NRG1: variants seen among roughly 807,000 people sequenced by gnomAD.
The protein encoded by NRG1 is neuregulin 1, also known as pro-neuregulin-1, membrane-bound isoform.
In NRG1, 18 loss-of-function variants were observed where a neutral mutation model predicts 63.8. The observed-to-expected ratio is 0.28, with a 90% CI of 0.19 to 0.42. The LOEUF (loss-of-function observed/expected upper bound fraction) is 0.42. NRG1 is among the 10% of genes least tolerant of loss of function. NRG1 has a pLI of 1.00. For synonymous variants in NRG1, 302 were observed against 301.3 expected (o/e 1.00, Z -0.02); for missense variants, 762 against 814.7 (o/e 0.94, Z 0.79).
At chr8:32,595,677 A>G in intron 1 of NRG1, 151 bp from the exon 2 acceptor site, 1 of 565,910 alleles carries the variant, frequency 1.8e-6, no homozygotes, top group Non-Finnish European at 2.9e-6. Context: ...GATGAGATCC[A>G]TTTTCGCTCA....
chr8:32,157,419 T>C (rs945329959), intron 1 of NRG1, among the ~76,000 whole-genome samples: 7 of 149,530 alleles, frequency 4.7e-5, no homozygotes, highest in African/African-American at 1.7e-4. Flanking sequence ...CGCAGTATTT[T>C]GGGAGGCCGA....
intron 1 of NRG1, among the ~76,000 whole-genome samples, chr8:32,421,563 T>G (rs1816702480): frequency 6.6e-6 from 1 of 152,196 alleles, no homozygotes; most frequent in Non-Finnish European, 1.5e-5. Flanking sequence ...GACGATTTTA[T>G]ACAAGTGAAG....
chr8:32,585,453 G>A (rs1382571996), intron 1 of NRG1, among the ~76,000 whole-genome samples: 3 of 152,128 alleles, frequency 2.0e-5, no homozygotes, highest in African/African-American at 7.2e-5. Flanking sequence ...TGCTGGCCGC[G>A]GCGCAGTGAT....
intron 1 of NRG1, among the ~76,000 whole-genome samples, chr8:31,700,610 G>A (rs1810533116): frequency 6.6e-6 from 1 of 152,330 alleles, no homozygotes; most frequent in Non-Finnish European, 1.5e-5. Context: ...AGGAGGCCAA[G>A]TGAATTGCAT....
chr8:32,282,343 C>T (rs1232657371), intron 1 of NRG1, among the ~76,000 whole-genome samples: 1 of 152,188 alleles, frequency 6.6e-6, no homozygotes, highest in Non-Finnish European at 1.5e-5. Flanking sequence ...TATCATTTCC[C>T]TCTCAAATCC....
At chr8:31,669,283 G>T (rs946547896) in intron 1 of NRG1, among the ~76,000 whole-genome samples, 1 of 151,594 alleles carries the variant, frequency 6.6e-6, no homozygotes, top group Non-Finnish European at 1.5e-5. Flanking sequence ...TTTTGCCCAG[G>T]CTGGAGCACA....
intron 1 of NRG1, among the ~76,000 whole-genome samples, chr8:32,143,010 G>A (rs1252113748): frequency 6.6e-6 from 1 of 152,166 alleles, no homozygotes; most frequent in East Asian, 1.9e-4. Flanking sequence ...TACTTCTTTT[G>A]TCATATCATT....
At chr8:32,319,900 C>T (rs1006062973) in intron 1 of NRG1, among the ~76,000 whole-genome samples, 1 of 151,972 alleles carries the variant, frequency 6.6e-6, no homozygotes, top group Non-Finnish European at 1.5e-5. Flanking sequence ...AATGCTAATA[C>T]AAAGGAATAC....
chr8:32,595,784 G>C, intron 1 of NRG1, 44 bp from the exon 2 acceptor site: 1 of 1,548,836 alleles, frequency 6.5e-7, no homozygotes, highest in Non-Finnish European at 8.8e-7. Context: ...TTGAAAGATT[G>C]CCTGGTGATC....
chr8:32,244,375 C>T (rs527554304), intron 1 of NRG1, among the ~76,000 whole-genome samples: 1 of 152,038 alleles, frequency 6.6e-6, no homozygotes, highest in African/African-American at 2.4e-5. Flanking sequence ...AAACCAGTCA[C>T]AATTTATGTA....
intron 1 of NRG1, among the ~76,000 whole-genome samples, chr8:32,555,717 C>T (rs1242219918): frequency 2.6e-5 from 4 of 152,134 alleles, no homozygotes; most frequent in Non-Finnish European, 4.4e-5. Flanking sequence ...GTGATCCGCC[C>T]GCCTTGGCCT....
At chr8:32,083,042 C>A (rs1294999509) in intron 1 of NRG1, among the ~76,000 whole-genome samples, 1 of 152,122 alleles carries the variant, frequency 6.6e-6, no homozygotes, top group African/African-American at 2.4e-5. Context: ...ATGTGAGTTA[C>A]AAGAATCTGT....
exon 12 of NRG1, chr8:32,763,860 G>T (rs527404698): frequency 3.7e-6 from 6 of 1,614,044 alleles, no homozygotes; most frequent in East Asian, 2.2e-5. Context: ...CAGCATGACG[G>T]TGTCCATGCC....
At chr8:32,314,273 C>G (rs904982593) in intron 1 of NRG1, among the ~76,000 whole-genome samples, 7 of 152,080 alleles carry the variant, frequency 4.6e-5, no homozygotes, top group Admixed American at 3.9e-4. Flanking sequence ...AATGGTCTGG[C>G]TTTACACCCC....
chr8:31,798,506 T>C (rs763186798), intron 1 of NRG1, among the ~76,000 whole-genome samples: 3 of 152,316 alleles, frequency 2.0e-5, no homozygotes, highest in Middle Eastern at 3.4e-3. Flanking sequence ...AATAAAAATA[T>C]GTTAAATGAA....
intron 1 of NRG1, among the ~76,000 whole-genome samples, chr8:32,354,661 G>A (rs1331307785): frequency 3.3e-5 from 5 of 151,686 alleles, no homozygotes; most frequent in Non-Finnish European, 4.4e-5. Context: ...GGAAGGCCGA[G>A]GTGGGAGAAT....
intron 1 of NRG1, among the ~76,000 whole-genome samples, chr8:32,443,989 C>G (rs1001965897): frequency 6.6e-6 from 1 of 151,768 alleles, no homozygotes; most frequent in African/African-American, 2.4e-5. Flanking sequence ...CCCTTCCCTT[C>G]TTTCCTTTTT....
At chr8:32,037,873 C>T (rs1276782746) in intron 1 of NRG1, among the ~76,000 whole-genome samples, 2 of 152,188 alleles carry the variant, frequency 1.3e-5, no homozygotes, top group Non-Finnish European at 2.9e-5. Context: ...CAACCTGCTA[C>T]ACTGGCTGAC....
intron 1 of NRG1, among the ~76,000 whole-genome samples, chr8:32,395,435 A>T (rs940748190): frequency 3.9e-5 from 6 of 152,098 alleles, no homozygotes; most frequent in Non-Finnish European, 8.8e-5. Flanking sequence ...TGACATTCTA[A>T]TCTGTGTGTA....
Sources: allele counts gnomAD v4.1 joint callset (sites outside exome capture counted in the v4.1 genomes callset), GRCh38; gene constraint gnomAD v4.1.1; transcripts MANE v1.5; gene names NCBI Gene and HGNC (gene_info 2026-07-23, HGNC 2026-07-21).